The following PAGE2B variants were observed in gnomAD, a reference collection of about 807,000 sequenced individuals.
The protein encoded by PAGE2B is putative G antigen family E member 3.
A neutral mutation model predicts 7.6 loss-of-function variants in PAGE2B; 5 were observed. The ratio of observed to expected loss-of-function variants is 0.66; its 90% CI spans 0.34 to 1.38. PAGE2B has a LOEUF of 1.38. Among genes scored for constraint, PAGE2B ranks in the 40% most tolerant of loss-of-function variants. The pLI, the probability that PAGE2B is intolerant of heterozygous loss-of-function variation, is 0.04. For synonymous variants in PAGE2B, 29 were observed against 26.7 expected, an observed-to-expected ratio of 1.09 and a Z score of -0.27; for missense variants, 70 against 78.4, an observed-to-expected ratio of 0.89 and a Z score of 0.41.
the PAGE2B span, among the ~76,000 whole-genome samples, chrX:55,049,997 G>A: frequency 8.9e-6 from 1 of 112,005 alleles, no homozygotes; most frequent in Non-Finnish European, 1.9e-5. Context: ...CAGAGATTCT[G>A]CTATGTTGTG....
the PAGE2B span, among the ~76,000 whole-genome samples, chrX:55,031,763 TA>T: frequency 9.0e-6 from 1 of 111,324 alleles, no homozygotes; most frequent in Non-Finnish European, 1.9e-5. Flanking sequence ...TCTTTTCTAT[TA>T]CCTTCTCCTC....
upstream of PAGE2B, among the ~76,000 whole-genome samples, chrX:55,074,025 G>A (rs777511370): frequency 3.4e-4 from 38 of 111,467 alleles, no homozygotes; most frequent in Non-Finnish European, 5.5e-4. Context: ...AAGCAAACAC[G>A]TGTCAGCAAT....
At chrX:55,049,675 C>T in the PAGE2B span, among the ~76,000 whole-genome samples, 1 of 110,865 alleles carries the variant, frequency 9.0e-6, no homozygotes, top group African/African-American at 3.3e-5. Flanking sequence ...TTTTTTATTG[C>T]GTCTATTTGC....
At chrX:55,076,178 T>C (rs1266540044) in intron 2 of PAGE2B, 53 bp downstream of exon 2, 1 of 1,155,788 alleles carries the variant, frequency 8.7e-7, no homozygotes, top group Non-Finnish European at 1.2e-6. Context: ...TTTTAAGAAA[T>C]ATTTTTGAGC....
chrX:55,030,347 C>G, the PAGE2B span, among the ~76,000 whole-genome samples: 2 of 111,359 alleles, frequency 1.8e-5, no homozygotes, highest in African/African-American at 6.5e-5. Context: ...TCTCAATTCC[C>G]CAAATCTCTC....
chrX:55,033,499 G>A, the PAGE2B span, among the ~76,000 whole-genome samples: 3 of 111,507 alleles, frequency 2.7e-5, no homozygotes, highest in South Asian at 1.1e-3. Context: ...TAGTCTGGAG[G>A]GAGAAGTAAG....
At chrX:55,068,942 A>T in the PAGE2B span, among the ~76,000 whole-genome samples, 1 of 112,047 alleles carries the variant, frequency 8.9e-6, no homozygotes, top group Non-Finnish European at 1.9e-5. Context: ...TTTGGGGCTG[A>T]GATGATGGAG....
chrX:55,038,378 A>C, the PAGE2B span, among the ~76,000 whole-genome samples: 1 of 112,332 alleles, frequency 8.9e-6, no homozygotes, highest in African/African-American at 3.2e-5. Context: ...GGCTGGATTA[A>C]AAACATCACT....
the PAGE2B span, among the ~76,000 whole-genome samples, chrX:55,048,527 T>A: frequency 8.9e-6 from 1 of 111,751 alleles, no homozygotes; most frequent in South Asian, 3.8e-4. Flanking sequence ...TCACATCCCT[T>A]GTAAGCTGGA....
At chrX:55,052,436 T>A in the PAGE2B span, among the ~76,000 whole-genome samples, 3 of 112,776 alleles carry the variant, frequency 2.7e-5, no homozygotes, top group Admixed American at 9.3e-5. Flanking sequence ...GCAGGCCTTC[T>A]TGAGCTGTGG....
chrX:55,050,792 C>T, the PAGE2B span, among the ~76,000 whole-genome samples: 19 of 111,415 alleles, frequency 1.7e-4, no homozygotes, highest in African/African-American at 3.9e-4. Context: ...TTAATTGGAG[C>T]ATTTAGCCCA....
At chrX:55,051,220 T>A in the PAGE2B span, among the ~76,000 whole-genome samples, 3 of 111,602 alleles carry the variant, frequency 2.7e-5, no homozygotes, top group African/African-American at 9.8e-5. Context: ...CACCCGACCT[T>A]TCTCTCTGGC....
upstream of PAGE2B, among the ~76,000 whole-genome samples, chrX:55,070,967 T>C (rs1936443062): frequency 9.0e-6 from 1 of 111,525 alleles, no homozygotes; most frequent in South Asian, 3.8e-4. Context: ...AGCACACTGA[T>C]GGGTCTTGAC....
chrX:55,038,498 T>C, the PAGE2B span, among the ~76,000 whole-genome samples: 1 of 112,055 alleles, frequency 8.9e-6, no homozygotes, highest in African/African-American at 3.2e-5. Flanking sequence ...ACTATGTTTT[T>C]GGAAATAATC....
upstream of PAGE2B, among the ~76,000 whole-genome samples, chrX:55,071,021 T>C (rs1358105345): frequency 1.8e-5 from 2 of 112,378 alleles, no homozygotes; most frequent in East Asian, 5.6e-4. Context: ...TTGTGGCATT[T>C]AGCCCATTTA....
At chrX:55,071,319 G>T (rs1164239106), upstream of PAGE2B, among the ~76,000 whole-genome samples, 4 of 111,018 alleles carry the variant, frequency 3.6e-5, no homozygotes, top group Non-Finnish European at 7.5e-5. Context: ...GCTTCGTTTG[G>T]CTGGGTATGA....
chrX:55,074,920 A>C (rs1322448610), upstream of PAGE2B: 2 of 112,742 alleles, frequency 1.8e-5, no homozygotes, highest in African/African-American at 6.4e-5. Context: ...TCACGAGGCG[A>C]ATGTCCCAGT....
At chrX:55,070,887 T>G (rs993095364), upstream of PAGE2B, among the ~76,000 whole-genome samples, 2 of 111,570 alleles carry the variant, frequency 1.8e-5, no homozygotes, top group Non-Finnish European at 3.8e-5. Context: ...ATTTGCTTGG[T>G]AAATATTCCT....
the PAGE2B span, among the ~76,000 whole-genome samples, chrX:55,036,512 G>C: frequency 3.5e-4 from 39 of 111,005 alleles, 1 homozygote; most frequent in East Asian, 1.7e-3. Context: ...TAGCATGAAG[G>C]GTTGTTGAAT....
Sources: gnomAD v4.1 joint callset for allele counts (sites outside exome capture counted in the v4.1 genomes callset) on GRCh38, gnomAD v4.1.1 for gene constraint, MANE v1.5 for transcripts, NCBI Gene and HGNC (gene_info 2026-07-23, HGNC 2026-07-21) for gene names.